DIAPH3: variants seen among roughly 807,000 people sequenced by gnomAD.
DIAPH3 encodes the protein protein diaphanous homolog 3.
In DIAPH3, 117 loss-of-function variants were observed where a neutral mutation model predicts 144.3. The ratio of observed to expected loss-of-function variants is 0.81; its 90% CI spans 0.70 to 0.95. DIAPH3 has a LOEUF of 0.95. DIAPH3 is among the 40% of genes least tolerant of loss of function. The pLI is 0.00. For synonymous variants in DIAPH3, 519 were observed against 488.9 expected, an observed-to-expected ratio of 1.06 and a Z score of -0.81; for missense variants, 1,421 against 1,412.7, an observed-to-expected ratio of 1.01 and a Z score of -0.09.
At chr13:59,939,568 T>C (rs543508420) in intron 17 of DIAPH3, among the ~76,000 whole-genome samples, 1 of 152,246 alleles carries the variant, frequency 6.6e-6, no homozygotes, top group South Asian at 2.1e-4. Context: ...AGGTGGCACA[T>C]GGATAATGTA....
intron 25 of DIAPH3, among the ~76,000 whole-genome samples, chr13:59,784,812 T>G (rs753101261): frequency 2.0e-5 from 3 of 152,056 alleles, no homozygotes; most frequent in Non-Finnish European, 4.4e-5. Context: ...CATAGGCTTA[T>G]AGTTTAACCC....
chr13:59,769,558 C>CT (rs930569341), intron 27 of DIAPH3, among the ~76,000 whole-genome samples: 4 of 149,722 alleles, frequency 2.7e-5, no homozygotes, highest in Non-Finnish European at 3.0e-5. Flanking sequence ...TCCTTTTTGA[C>CT]TTTTTTTTTT....
chr13:59,682,793 C>A (rs950746142), intron 27 of DIAPH3, among the ~76,000 whole-genome samples: 1 of 152,114 alleles, frequency 6.6e-6, no homozygotes, highest in African/African-American at 2.4e-5. Flanking sequence ...CATAGCGATG[C>A]CAACTTGTAT....
intron 21 of DIAPH3, among the ~76,000 whole-genome samples, chr13:59,869,397 G>T (rs1174596119): frequency 6.6e-6 from 1 of 152,176 alleles, no homozygotes; most frequent in Non-Finnish European, 1.5e-5. Context: ...ATTAACAGGA[G>T]AAACGTGTAA....
chr13:59,743,060 A>T (rs2036540073), intron 27 of DIAPH3, among the ~76,000 whole-genome samples: 1 of 152,178 alleles, frequency 6.6e-6, no homozygotes, highest in Admixed American at 6.5e-5. Flanking sequence ...ATGGAGTGGG[A>T]TGAAATAAGC....
chr13:59,820,102 A>C (rs1281462992), intron 24 of DIAPH3, among the ~76,000 whole-genome samples: 1 of 151,960 alleles, frequency 6.6e-6, no homozygotes, highest in Non-Finnish European at 1.5e-5. Context: ...AGTGCCTCAA[A>C]CACATTTATC....
intron 20 of DIAPH3, among the ~76,000 whole-genome samples, chr13:59,901,177 T>A (rs1162041837): frequency 6.6e-6 from 1 of 152,232 alleles, no homozygotes. Flanking sequence ...ATGGCATCAG[T>A]CTGATCATTT....
intron 20 of DIAPH3, among the ~76,000 whole-genome samples, chr13:59,899,124 G>A (rs1420426470): frequency 1.3e-5 from 2 of 152,060 alleles, no homozygotes; most frequent in East Asian, 1.9e-4. Context: ...CTCAGGCTTC[G>A]GTCACAGACT....
intron 17 of DIAPH3, among the ~76,000 whole-genome samples, chr13:59,946,760 A>T (rs2048818649): frequency 6.6e-6 from 1 of 152,142 alleles, no homozygotes; most frequent in Non-Finnish European, 1.5e-5. Flanking sequence ...CATAACGGAT[A>T]TGTTATTTTT....
chr13:59,714,255 G>A (rs1181103063), intron 27 of DIAPH3, among the ~76,000 whole-genome samples: 1 of 150,396 alleles, frequency 6.6e-6, no homozygotes, highest in Non-Finnish European at 1.5e-5. Context: ...AGCTACTTGG[G>A]AGGCTGAGGC....
chr13:59,718,719 G>A (rs2035188948), intron 27 of DIAPH3, among the ~76,000 whole-genome samples: 1 of 152,102 alleles, frequency 6.6e-6, no homozygotes, highest in African/African-American at 2.4e-5. Context: ...AAGGAAAAAT[G>A]TAATATTTCT....
At chr13:59,923,911 C>T (rs1319842263) in intron 18 of DIAPH3, among the ~76,000 whole-genome samples, 1 of 152,186 alleles carries the variant, frequency 6.6e-6, no homozygotes, top group East Asian at 1.9e-4. Flanking sequence ...TTGCCTCTAA[C>T]ATAACTCTCT....
At chr13:59,896,156 G>A (rs1459003841) in intron 20 of DIAPH3, among the ~76,000 whole-genome samples, 2 of 152,128 alleles carry the variant, frequency 1.3e-5, no homozygotes, top group Non-Finnish European at 2.9e-5. Context: ...ATGTGGAGGA[G>A]GTCTTGGTTA....
At position 60,013,979 on chromosome 13, in the gene DIAPH3, T is replaced by G. The variant is rs540753614; in HGVS notation, c.771+1934A>C. 2.6e-5 allele frequency among the ~76,000 whole-genome samples: 4 copies of G among 152,252 alleles called. No homozygotes were observed. The East Asian group carries it at 7.7e-4, about 29-fold the overall frequency. ...AAAATGGCAATATTTTATAGCTCCA[T>G]GTATATAAACTACAAGCAACAAAAA... On this transcript the variant is annotated intron_variant, in intron 7 of 27. Transcript: ENST00000400324.
intron 25 of DIAPH3, among the ~76,000 whole-genome samples, chr13:59,800,070 C>A (rs1365944288): frequency 6.6e-6 from 1 of 152,112 alleles, no homozygotes; most frequent in East Asian, 1.9e-4. Flanking sequence ...ACTTCTGTTT[C>A]AGAATCAGCT....
chr13:59,753,568 G>A (rs1316359402), intron 27 of DIAPH3, among the ~76,000 whole-genome samples: 1 of 152,124 alleles, frequency 6.6e-6, no homozygotes, highest in Non-Finnish European at 1.5e-5. Flanking sequence ...GGTATTTTCT[G>A]AGTAATATCT....
intron 3 of DIAPH3, among the ~76,000 whole-genome samples, chr13:60,103,361 G>A (rs776760041): frequency 3.3e-5 from 5 of 151,896 alleles, no homozygotes; most frequent in African/African-American, 4.8e-5. Flanking sequence ...AAGTTGAGCG[G>A]GACAGTTAAC....
In DIAPH3 at chr13:59,666,124, A is replaced by G. The variant is rs944714187; in HGVS notation, c.*460T>C. On this transcript the variant is annotated 3_prime_UTR_variant, in exon 28 of 28. Transcript: ENST00000400324. ...GGTAGTATATAGATCCCAATTAAGG[A>G]GAAACTTGGGCCTATATAAACAATA... 1 of 157,402 alleles carries G rather than the reference A, an allele frequency of 6.4e-6. No homozygotes were observed. The highest frequency in any genetic ancestry group is 1.4e-5 in the Non-Finnish European group (1 of 71,808). The allele number at this position is 157,402 out of a possible 1,614,324, so 9.8% of individuals were successfully genotyped here. A position where few individuals can be genotyped will look rare whatever the true frequency, so the allele number is the denominator to read the frequency against.
intron 27 of DIAPH3, among the ~76,000 whole-genome samples, chr13:59,758,466 A>G (rs1178275545): frequency 6.6e-6 from 1 of 152,244 alleles, no homozygotes; most frequent in African/African-American, 2.4e-5. Flanking sequence ...GCTCAGAGTC[A>G]GGACATGTGT....
Sources: allele counts gnomAD v4.1 joint callset (sites outside exome capture counted in the v4.1 genomes callset), GRCh38; gene constraint gnomAD v4.1.1; transcripts MANE v1.5; gene names NCBI Gene and HGNC (gene_info 2026-07-23, HGNC 2026-07-21).